Variants in ALG12 observed in about 807,000 individuals in gnomAD.
The protein encoded by ALG12 is dol-P-Man:Man(7)GlcNAc(2)-PP-Dol alpha-1,6-mannosyltransferase.
ALG12 carries 36 observed loss-of-function variants against 46.0 expected under a neutral mutation model. The observed-to-expected ratio is 0.78, with a 90% confidence interval of 0.60 to 1.03. ALG12 has a LOEUF of 1.03. Among genes scored for constraint, ALG12 ranks in the 50% least tolerant of loss-of-function variants. The pLI is 0.00. For missense variants in ALG12, 599 were observed against 633.5 expected, an observed-to-expected ratio of 0.95 and a Z score of 0.58; for synonymous variants, 326 against 291.6, an observed-to-expected ratio of 1.12 and a Z score of -1.20.
chr22:49,889,422 A>C, the ALG12 span: 2 of 167,086 alleles, frequency 1.2e-5, no homozygotes, highest in African/African-American at 4.8e-5. Context: ...TTTCCAGAAT[A>C]GCAAGTTTGC....
the ALG12 span, among the ~76,000 whole-genome samples, chr22:49,865,609 A>C: frequency 4.6e-5 from 7 of 152,130 alleles, no homozygotes; most frequent in African/African-American, 1.7e-4. Context: ...CGGGAGGCAG[A>C]GGGTGCAGTG....
rs77481841 is a variant in ALG12 at position 49,907,234 on chromosome 22, C to A, written c.992+487G>T. 9.7e-3 allele frequency among the ~76,000 whole-genome samples: 1,476 copies of A among 152,320 alleles called. 15 individuals are homozygous for A. The highest frequency in any genetic ancestry group is 0.067 in the South Asian group (324 of 4,828). On this transcript the variant is annotated intron_variant, in intron 7 of 9. Transcript: ENST00000330817. Reference sequence around the variant, plus strand: ...CTGTCGCCCTCAGAGCCTCCCAGGCCTGGCTGCCCCTGCCCTCTGCCGCTG... The same window carrying A: ...CTGTCGCCCTCAGAGCCTCCCAGGCATGGCTGCCCCTGCCCTCTGCCGCTG...
At chr22:49,885,280 G>A in the ALG12 span, 1 of 1,596,726 alleles carries the variant, frequency 6.3e-7, no homozygotes, top group Non-Finnish European at 8.6e-7. Flanking sequence ...CAAATTGACT[G>A]ACTTGCCAAC....
At chr22:49,876,696 C>A in the ALG12 span, among the ~76,000 whole-genome samples, 1 of 151,984 alleles carries the variant, frequency 6.6e-6, no homozygotes, top group African/African-American at 2.4e-5. Flanking sequence ...CAGCGTTTAC[C>A]CCGAGATAAG....
At chr22:49,908,084 C>A in intron 6 of ALG12, 140 bp from the exon 7 acceptor site, 1 of 827,756 alleles carries the variant, frequency 1.2e-6, no homozygotes, top group Admixed American at 2.3e-5. Context: ...TGCACAGACA[C>A]CACTCAGGCC....
the ALG12 span, among the ~76,000 whole-genome samples, chr22:49,894,701 C>G: frequency 6.6e-6 from 1 of 152,230 alleles, no homozygotes; most frequent in African/African-American, 2.4e-5. Context: ...TAGACAATCA[C>G]AGTGAGAGAT....
rs751491422 is a variant in ALG12, at chr22:49,910,050, C to T, written c.508G>A (p.Ala170Thr). The change falls in exon 5 of 10, where the codon GCC becomes ACC. Residue 170 changes from alanine to threonine, a missense_variant. Coordinates refer to ENST00000330817, the MANE Select transcript of ALG12 (RefSeq NM_024105.4). ...ALAAWLRHEW[A>T]RFIWLSAFAI... ...AAGGCTGACAGCCAGATGAAGCGGG[C>T]CCACTCGTGCCGCAGCCAGGCCGCG... is the stretch of plus-strand genomic sequence containing the variant. 6 of 1,612,486 alleles carry T rather than the reference C, an allele frequency of 3.7e-6. No individual in the cohort carries two copies. In the Admixed American group the frequency reaches 1.0e-4, roughly 27 times the overall value.
Position 49,903,958 on chromosome 22 carries a change from C to T in ALG12, c.1347G>A (p.Arg449=). 6.2e-7 allele frequency: 1 copy of T among 1,614,220 alleles called. No individual in the cohort carries two copies. The highest frequency in any genetic ancestry group is 8.5e-7 in the Non-Finnish European group (1 of 1,180,020). Residue 449 remains arginine, a synonymous_variant, in exon 10 of 10, where the codon CGG becomes CGA. Coordinates refer to ENST00000330817, the MANE Select transcript of ALG12 (RefSeq NM_024105.4). ...TGGTCCCCACGACGCTGGCCAGGAC[C>T]CGGTGTGTGTCCCTGTAGAGGGCCA... ...GLLALYRDTH[R]VLASVVGTTG...
chr22:49,882,178 G>A, the ALG12 span, among the ~76,000 whole-genome samples: 9 of 152,286 alleles, frequency 5.9e-5, no homozygotes, highest in East Asian at 5.8e-4. Flanking sequence ...TAGGGATGGC[G>A]CACCTCTCCT....
chr22:49,873,148 T>C, the ALG12 span, among the ~76,000 whole-genome samples: 1 of 152,220 alleles, frequency 6.6e-6, no homozygotes, highest in Non-Finnish European at 1.5e-5. Flanking sequence ...TCAAGAACTT[T>C]CCTTTGCATT....
the ALG12 span, among the ~76,000 whole-genome samples, chr22:49,876,516 A>G: frequency 0.019 from 2,839 of 151,778 alleles, 38 homozygotes; most frequent in South Asian, 0.068. Context: ...TAATTTTGTG[A>G]TGTTGTTTGT....
rs192884565 is a variant in ALG12 at position 49,901,334 on chromosome 22, G to C, written c.*2504C>G. The stretch of plus-strand genomic sequence containing the variant: ...TCAGGAAGTGTCTGCACAGATGTTC[G>C]CCAGACGCAATGGGAAAACCAGGAG... On this transcript the variant is annotated 3_prime_UTR_variant, in exon 10 of 10. Coordinates refer to ENST00000330817, the MANE Select transcript of ALG12 (RefSeq NM_024105.4). 1.3e-5 allele frequency: 2 copies of C among 152,282 alleles called. No individual in the cohort carries two copies. The highest frequency in any genetic ancestry group is 2.9e-5 in the Non-Finnish European group (2 of 68,072). The allele number at this position is 152,282 out of a possible 1,614,324, so 9.4% of individuals were successfully genotyped here. A position where few individuals can be genotyped will look rare whatever the true frequency, so the allele number is the denominator to read the frequency against.
At chr22:49,867,657 C>A in the ALG12 span, among the ~76,000 whole-genome samples, 2 of 152,214 alleles carry the variant, frequency 1.3e-5, no homozygotes, top group African/African-American at 4.8e-5. Context: ...TACCTGTTGG[C>A]TACTTGGGGA....
the ALG12 span, among the ~76,000 whole-genome samples, chr22:49,880,028 A>T: frequency 8.2e-3 from 1,239 of 151,504 alleles, 20 homozygotes; most frequent in African/African-American, 0.029. Context: ...TTTGTATTTT[A>T]CTTTATTGGG....
intron 1 of ALG12, among the ~76,000 whole-genome samples, chr22:49,917,903 T>C (rs1195535321): frequency 2.2e-5 from 2 of 91,590 alleles, no homozygotes; most frequent in African/African-American, 1.1e-4. Flanking sequence ...GGACCCCAGA[T>C]CCCCAGCCCC....
In ALG12 at chr22:49,900,546, A is replaced by G. The variant is rs1425126591; in HGVS notation, c.*3292T>C. The G allele has an allele frequency of 1.3e-5, 2 of 152,236 alleles. No individual in the cohort carries two copies. The highest frequency in any genetic ancestry group is 2.9e-5 in the Non-Finnish European group (2 of 68,060). 9.4% of individuals were successfully genotyped at this position (152,236 alleles called of 1,614,324 possible). On this transcript the variant is annotated 3_prime_UTR_variant, in exon 10 of 10. Transcript: ENST00000330817. ...ACTCATGAGCACAGTGCTTGACGGC[A>G]CCCGCAGTTGTGGGCAGGGAGTGAA...
chr22:49,903,713 G>C lies in ALG12; in HGVS notation c.*125C>G. ...TGGACCTGGTCTGGTGTCTGTCAGA[G>C]GCAGGTGCCCAGTCCTTTGACTTGC... On this transcript the variant is annotated 3_prime_UTR_variant, in exon 10 of 10. Coordinates refer to ENST00000330817, the MANE Select transcript of ALG12 (RefSeq NM_024105.4). 9.0e-7 allele frequency: 1 copy of C among 1,110,456 alleles called. No homozygotes were observed. The highest frequency in any genetic ancestry group is 1.3e-6 in the Non-Finnish European group (1 of 750,376). 68.8% of individuals were successfully genotyped at this position (1,110,456 alleles called of 1,614,324 possible). A position where few individuals can be genotyped will look rare whatever the true frequency, so the allele number is the denominator to read the frequency against.
the ALG12 span, chr22:49,885,918 C>A: frequency 1.1e-6 from 1 of 923,624 alleles, no homozygotes; most frequent in Non-Finnish European, 1.7e-6. Context: ...ACTGGGTTTC[C>A]TTCGAGTCGC....
At chr22:49,878,829 C>G in the ALG12 span, among the ~76,000 whole-genome samples, 12 of 152,076 alleles carry the variant, frequency 7.9e-5, no homozygotes, top group African/African-American at 1.9e-4. Flanking sequence ...GAAACCTTGT[C>G]TCTACTAAAA....
Sources: gnomAD v4.1 joint callset for allele counts (sites outside exome capture counted in the v4.1 genomes callset) on GRCh38, gnomAD v4.1.1 for gene constraint, MANE v1.5 for transcripts, NCBI Gene and HGNC (gene_info 2026-07-23, HGNC 2026-07-21) for gene names.